Variants in FHIT observed in about 807,000 individuals in gnomAD.
The protein encoded by FHIT is bis(5'-adenosyl)-triphosphatase.
A neutral mutation model predicts 17.9 loss-of-function variants in FHIT; 19 were observed. The observed-to-expected ratio is 1.06, with a 90% CI of 0.74 to 1.56. The LOEUF is 1.56. Ranked by LOEUF, FHIT falls within the 40% of genes most tolerant of loss-of-function variation. The probability of loss-of-function intolerance (pLI) is 0.00; values close to 1 mark genes in which losing one functional copy is unlikely to be tolerated. For synonymous variants in FHIT, 81 were observed against 69.7 expected, an observed-to-expected ratio of 1.16 and a Z score of -0.81; for missense variants, 248 against 189.2, an observed-to-expected ratio of 1.31 and a Z score of -1.82.
At chr3:60,064,024 T>C (rs1043639576) in intron 5 of FHIT, among the ~76,000 whole-genome samples, 2 of 152,184 alleles carry the variant, frequency 1.3e-5, no homozygotes, top group African/African-American at 2.4e-5. Context: ...TTTGTTTAGA[T>C]GTCAACATGT....
rs893936077 is a variant in FHIT at position 59,959,551 on chromosome 3, G to A, written c.280-37137C>T. Among the ~76,000 whole-genome samples, 3 of 152,142 alleles carry A rather than the reference G, an allele frequency of 2.0e-5. No individual in the cohort carries two copies. In the East Asian group the frequency reaches 5.8e-4, roughly 29 times the overall value. ...AGAGATCTCATGACAGGAAACTCGG[G>A]TTATTCATTCATTCATCCATCTAGT... On this transcript the variant is annotated intron_variant, in intron 7 of 9. Coordinates refer to ENST00000492590, the MANE Select transcript of FHIT (RefSeq NM_002012.4).
At chr3:61,067,013 C>T (rs1241649826) in intron 2 of FHIT, among the ~76,000 whole-genome samples, 2 of 152,126 alleles carry the variant, frequency 1.3e-5, no homozygotes, top group African/African-American at 2.4e-5. Context: ...TATGCTTGTG[C>T]GTGGGCTGGG....
intron 5 of FHIT, among the ~76,000 whole-genome samples, chr3:60,163,217 G>A (rs1364883048): frequency 6.6e-6 from 1 of 152,140 alleles, no homozygotes; most frequent in African/African-American, 2.4e-5. Context: ...CAGGTCCTAA[G>A]AAACAGAGCA....
chr3:60,405,326 T>C (rs1211543727), intron 5 of FHIT, among the ~76,000 whole-genome samples: 1 of 152,190 alleles, frequency 6.6e-6, no homozygotes, highest in Non-Finnish European at 1.5e-5. Context: ...CTTTTTTGCT[T>C]ACTCACACAC....
chr3:59,907,026 A>G (rs905182555), intron 8 of FHIT, among the ~76,000 whole-genome samples: 6 of 152,242 alleles, frequency 3.9e-5, no homozygotes, highest in African/African-American at 1.2e-4. Context: ...TAGAATCACA[A>G]AGTATCAGAG....
chr3:61,089,321 T>C (rs1377548602), intron 2 of FHIT, among the ~76,000 whole-genome samples: 3 of 152,188 alleles, frequency 2.0e-5, no homozygotes, highest in Non-Finnish European at 2.9e-5. Context: ...AACAACTACC[T>C]GTATCTAGGT....
In FHIT at chr3:59,799,372, G is replaced by GA. The variant is rs373236910; in HGVS notation, c.349-47052dup. On this transcript the variant is annotated intron_variant, in intron 8 of 9. Transcript: ENST00000492590. ...AGACTATAAAGCCAAGCGCAACAGA[G>GA]AAAAAAATACCTTAGGGCACGGACG... Among the ~76,000 whole-genome samples the GA allele has an allele frequency of 1.4e-3, 214 of 151,954 alleles. 1 individual carries two copies. The highest frequency in any genetic ancestry group is 2.9e-3 in the African/African-American group (120 of 41,430).
chr3:60,427,338 G>C (rs879622735), intron 5 of FHIT, among the ~76,000 whole-genome samples: 1 of 151,952 alleles, frequency 6.6e-6, no homozygotes, highest in Non-Finnish European at 1.5e-5. Context: ...GAGACAGCTC[G>C]GAACTGGGTA....
chr3:60,480,554 G>A (rs568767066), intron 5 of FHIT, among the ~76,000 whole-genome samples: 24 of 152,288 alleles, frequency 1.6e-4, no homozygotes, highest in African/African-American at 3.6e-4. Flanking sequence ...AGATACAATG[G>A]GGATATACAG....
At chr3:59,915,558 C>A (rs1262692777) in intron 8 of FHIT, among the ~76,000 whole-genome samples, 2 of 152,154 alleles carry the variant, frequency 1.3e-5, no homozygotes, top group East Asian at 3.9e-4. Context: ...CTTTAGTGTC[C>A]AATGACTTCA....
At chr3:60,355,273 T>A (rs1465837719) in intron 5 of FHIT, among the ~76,000 whole-genome samples, 1 of 152,230 alleles carries the variant, frequency 6.6e-6, no homozygotes. Flanking sequence ...ATTCTAGCAA[T>A]TCTTAGCTGT....
Position 60,826,152 on chromosome 3 carries a change from TGGAAGGAAGGAAGGAAGGAAGGAAGGAA to T in FHIT, c.-110-4169_-110-4142del, listed in dbSNP as rs201232384. 2.0e-3 allele frequency among the ~76,000 whole-genome samples: 257 copies of T among 128,334 alleles called. 3 individuals carry two copies. Among genetic ancestry groups the T allele is most frequent in the Middle Eastern group, 3.8e-3 (1 of 260 alleles). The allele number at this position is 128,334 out of a possible 152,430, so 84.2% of individuals were successfully genotyped here. ...GGAAAGGGAGGGAGGGATGAATGGATGGAAGGAAGGAAGGAAGGAAGGAAGGAAGGAAGGAAGGAAGGAAGGAAGGAAG... is the reference window on the plus strand; with the variant it reads ...GGAAAGGGAGGGAGGGATGAATGGATGGAAGGAAGGAAGGAAGGAAGGAAG... On this transcript the variant is annotated intron_variant, in intron 3 of 9. Transcript: ENST00000492590.
At chr3:60,182,892 A>C (rs1366926355) in intron 5 of FHIT, among the ~76,000 whole-genome samples, 1 of 151,910 alleles carries the variant, frequency 6.6e-6, no homozygotes, top group African/African-American at 2.4e-5. Context: ...AGAAAAACAA[A>C]GTCAAAAAAT....
At chr3:60,266,254 T>G (rs1167197730) in intron 5 of FHIT, among the ~76,000 whole-genome samples, 3 of 152,052 alleles carry the variant, frequency 2.0e-5, no homozygotes, top group Non-Finnish European at 4.4e-5. Flanking sequence ...TACAGCATGA[T>G]GAACCATGAA....
chr3:60,439,984 C>T (rs1428990057), intron 5 of FHIT, among the ~76,000 whole-genome samples: 1 of 152,046 alleles, frequency 6.6e-6, no homozygotes, highest in Non-Finnish European at 1.5e-5. Context: ...TACTGAGGTA[C>T]TCTCACCCCT....
At chr3:60,031,765 ACAGAGGCTTAG>A (rs1701012335) in intron 5 of FHIT, among the ~76,000 whole-genome samples, 1 of 152,346 alleles carries the variant, frequency 6.6e-6, no homozygotes, top group East Asian at 1.9e-4. Flanking sequence ...TGGGGGTCCC[ACAGAGGCTTAG>A]CAGAGGGTGC....
In FHIT at chr3:61,102,090, T is replaced by C. The variant is rs537918141; in HGVS notation, c.-163-59991A>G. Among the ~76,000 whole-genome samples, 6 of 152,332 alleles carry C rather than the reference T, an allele frequency of 3.9e-5. No individual in the cohort carries two copies. In the East Asian group the frequency reaches 1.2e-3, roughly 29 times the overall value. ...GCCCTGGCCAGAACTTCCAACACTATATTGAATAGGAGTGGTGAGAGAGGG... is the reference window on the plus strand; with the variant it reads ...GCCCTGGCCAGAACTTCCAACACTACATTGAATAGGAGTGGTGAGAGAGGG... On this transcript the variant is annotated intron_variant, in intron 2 of 9. Coordinates refer to ENST00000492590, the MANE Select transcript of FHIT (RefSeq NM_002012.4).
chr3:60,608,829 A>G (rs2038691688), intron 4 of FHIT, among the ~76,000 whole-genome samples: 2 of 152,310 alleles, frequency 1.3e-5, no homozygotes, highest in South Asian at 2.1e-4. Context: ...GGAAATAACT[A>G]TCTTGAATTA....
At chr3:60,340,128 G>T (rs1352905456) in intron 5 of FHIT, among the ~76,000 whole-genome samples, 3 of 151,994 alleles carry the variant, frequency 2.0e-5, no homozygotes, top group South Asian at 2.1e-4. Context: ...AGCAATTAAG[G>T]CAATAAAGGA....
Sources: allele counts gnomAD v4.1 joint callset (sites outside exome capture counted in the v4.1 genomes callset), GRCh38; gene constraint gnomAD v4.1.1; transcripts MANE v1.5; gene names NCBI Gene and HGNC (gene_info 2026-07-23, HGNC 2026-07-21).